Variants in MACROD2 observed in about 807,000 individuals in gnomAD.
MACROD2 encodes the protein ADP-ribose glycohydrolase MACROD2.
Under a neutral mutation model 70.4 loss-of-function variants are expected in MACROD2, and 36 were observed. The observed-to-expected ratio is 0.51, with a 90% CI of 0.39 to 0.68. The LOEUF is 0.68. Ranked by LOEUF, MACROD2 falls within the 30% of genes least tolerant of loss-of-function variation. The pLI is 0.00. For missense variants in MACROD2, 496 were observed against 538.4 expected (o/e 0.92, Z 0.78); for synonymous variants, 172 against 178.8 (o/e 0.96, Z 0.30).
chr20:15,927,271 A>T (rs565974258), intron 10 of MACROD2, among the ~76,000 whole-genome samples: 1 of 152,170 alleles, frequency 6.6e-6, no homozygotes, highest in Non-Finnish European at 1.5e-5. Flanking sequence ...ACATGTGTTT[A>T]TGGAGCCCTT....
intron 4 of MACROD2, among the ~76,000 whole-genome samples, chr20:14,567,307 A>G (rs1441081402): frequency 6.6e-6 from 1 of 152,004 alleles, no homozygotes; most frequent in East Asian, 1.9e-4. Context: ...GGATATTTTG[A>G]TAGTATTAAA....
chr20:15,406,370 C>T (rs951148859), intron 6 of MACROD2, among the ~76,000 whole-genome samples: 23 of 152,198 alleles, frequency 1.5e-4, no homozygotes, highest in African/African-American at 4.8e-4. Context: ...CAACCCTTGA[C>T]CTCCTGGCCC....
rs1265086871 is a variant in MACROD2, at chr20:14,762,333, G to C, written c.418+77374G>C. 2.0e-5 allele frequency among the ~76,000 whole-genome samples: 3 copies of C among 152,066 alleles called. No homozygotes were observed. In the East Asian group the frequency reaches 5.8e-4, roughly 29 times the overall value. On this transcript the variant is annotated intron_variant, in intron 5 of 17. Coordinates refer to ENST00000684519, the MANE Select transcript of MACROD2 (RefSeq NM_001351661.2). ...AAGACTTACTCAGGAGTGGGGTCAT[G>C]GTGTCTCTTCACTGAGTGACAGATT...
At chr20:14,550,106 A>G (rs1978554470) in intron 4 of MACROD2, among the ~76,000 whole-genome samples, 1 of 151,980 alleles carries the variant, frequency 6.6e-6, no homozygotes, top group Non-Finnish European at 1.5e-5. Context: ...TATTTTTAGT[A>G]TAGACGGGGT....
At chr20:15,633,465 G>C (rs1377791841) in intron 8 of MACROD2, among the ~76,000 whole-genome samples, 1 of 152,150 alleles carries the variant, frequency 6.6e-6, no homozygotes, top group Non-Finnish European at 1.5e-5. Context: ...CCCAGAACCA[G>C]AAAATGCCAT....
rs1012086761 is a variant in MACROD2, at chr20:15,407,423, T to G, written c.541-23982T>G. Among the ~76,000 whole-genome samples the G allele has an allele frequency of 2.6e-5, 4 of 152,326 alleles. No homozygotes were observed. The East Asian group carries it at 7.7e-4, about 29-fold the overall frequency. On this transcript the variant is annotated intron_variant, in intron 6 of 17. Coordinates refer to ENST00000684519, the MANE Select transcript of MACROD2 (RefSeq NM_001351661.2). ...ACACTCTCACTTTTCTTCTTCACAG[T>G]GCTTTCTGTAATTGCCTCCCAAATA...
At chr20:14,544,129 A>ATACT (rs1206444974) in intron 4 of MACROD2, among the ~76,000 whole-genome samples, 4 of 152,186 alleles carry the variant, frequency 2.6e-5, no homozygotes, top group Non-Finnish European at 4.4e-5. Context: ...CCATGTTGAT[A>ATACT]TACTATCCAC....
intron 5 of MACROD2, among the ~76,000 whole-genome samples, chr20:15,016,706 TAC>T (rs1803923871): frequency 6.6e-6 from 1 of 152,132 alleles, no homozygotes; most frequent in African/African-American, 2.4e-5. Context: ...GAATTGGACT[TAC>T]AGTTGCACAT....
rs143404362 is a variant in MACROD2 at position 14,947,924 on chromosome 20, A to C, written c.418+262965A>C. On this transcript the variant is annotated intron_variant, in intron 5 of 17. Transcript: ENST00000684519. Reference sequence around the variant, plus strand: ...GTTTATCAAGTACAACAAAAATAGGAAGTCCTGTATTTGCTTACATCTACC... The same window carrying C: ...GTTTATCAAGTACAACAAAAATAGGCAGTCCTGTATTTGCTTACATCTACC... Among the ~76,000 whole-genome samples, 55 of 152,242 alleles carry C rather than the reference A, an allele frequency of 3.6e-4. 1 individual carries two copies. Among genetic ancestry groups the C allele is most frequent in the African/African-American group, 1.3e-3 (52 of 41,544 alleles).
chr20:14,236,485 C>T (rs1411664295), intron 3 of MACROD2, among the ~76,000 whole-genome samples: 1 of 150,934 alleles, frequency 6.6e-6, no homozygotes, highest in Non-Finnish European at 1.5e-5. Context: ...AAAAAAAAAG[C>T]AAAAAAAACT....
intron 5 of MACROD2, among the ~76,000 whole-genome samples, chr20:15,178,240 A>C (rs1253460561): frequency 1.3e-5 from 2 of 152,050 alleles, no homozygotes; most frequent in Non-Finnish European, 1.5e-5. Flanking sequence ...TTGATATTGT[A>C]TTACTTTATG....
chr20:14,237,516 A>T (rs1338917897), intron 3 of MACROD2, among the ~76,000 whole-genome samples: 1 of 150,996 alleles, frequency 6.6e-6, no homozygotes, highest in Non-Finnish European at 1.5e-5. Context: ...TCTAATTTAT[A>T]GTTCTATTAA....
Position 16,016,537 on chromosome 20 carries a change from T to C in MACROD2, c.1154-24664T>C, listed in dbSNP as rs187809180. The stretch of plus-strand genomic sequence containing the variant: ...ATTTTCAACTTAACCTTTTCAAAAA[T>C]GAGGGGTTTTTTTGTTTGTTTTTGG... On this transcript the variant is annotated intron_variant, in intron 15 of 17. Transcript: ENST00000684519. Among the ~76,000 whole-genome samples the C allele has an allele frequency of 3.9e-3, 588 of 152,260 alleles. 4 individuals carry two copies. The highest frequency in any genetic ancestry group is 0.01 in the Middle Eastern group (3 of 294).
At chr20:14,360,960 C>T (rs914132325) in intron 3 of MACROD2, among the ~76,000 whole-genome samples, 6 of 152,094 alleles carry the variant, frequency 3.9e-5, no homozygotes, top group African/African-American at 1.4e-4. Context: ...CAGAAGCTGC[C>T]GAGTCAAGAT....
intron 4 of MACROD2, among the ~76,000 whole-genome samples, chr20:14,540,192 C>T (rs1255697157): frequency 6.6e-6 from 1 of 152,128 alleles, no homozygotes; most frequent in Non-Finnish European, 1.5e-5. Flanking sequence ...GGGATAACAT[C>T]TTTATGTTGC....
chr20:15,231,318 A>G (rs546948550), intron 6 of MACROD2, among the ~76,000 whole-genome samples: 1 of 152,182 alleles, frequency 6.6e-6, no homozygotes, highest in African/African-American at 2.4e-5. Context: ...AAGAGAATGG[A>G]GCAAAGTATA....
chr20:14,857,780 ATTT>A (rs2073270966), intron 5 of MACROD2, among the ~76,000 whole-genome samples: 2 of 149,492 alleles, frequency 1.3e-5, no homozygotes, highest in South Asian at 4.2e-4. Context: ...TTGTGGAGTT[ATTT>A]AGTCAATAGG....
rs999365664 is a variant in MACROD2, at chr20:15,035,188, G to A, written c.419-194752G>A. ...GCTGGAGGATTGCTTAAGCCCAGGA[G>A]TTCCAGACCAGCCTGGGCAACATAG... On this transcript the variant is annotated intron_variant, in intron 5 of 17. Transcript: ENST00000684519. Among the ~76,000 whole-genome samples, 5 of 152,232 alleles carry A rather than the reference G, an allele frequency of 3.3e-5. No homozygotes were observed. The East Asian group carries it at 9.7e-4, about 29-fold the overall frequency.
Position 13,995,850 on chromosome 20 carries a change from G to GGGGGGGGGGGTT in MACROD2, c.46+41_46+42insGGGGGGGGGGTT. 3 of 505,096 alleles carry GGGGGGGGGGGTT rather than the reference G, an allele frequency of 5.9e-6. No individual in the cohort carries two copies. Among genetic ancestry groups the GGGGGGGGGGGTT allele is most frequent in the Middle Eastern group, 6.3e-4 (1 of 1,600 alleles). The allele number at this position is 505,096 out of a possible 1,614,324, so 31.3% of individuals were successfully genotyped here. Reference sequence around the variant, plus strand: ...AGTCCTGGGGGTGCGGGCGGTGGGGGTTAGGGTGGGGGCGGGGGTCAGGCT... The same window carrying GGGGGGGGGGGTT: ...AGTCCTGGGGGTGCGGGCGGTGGGGGGGGGGGGGGGTTTTAGGGTGGGGGCGGGGGTCAGGCT... On this transcript the variant is annotated intron_variant, in intron 1 of 17. Transcript: ENST00000684519. This position sits in a 1 kb window ranked among gnomAD's most constrained non-coding sequence, Gnocchi z 4.3.
Sources: gnomAD v4.1 joint callset for allele counts (sites outside exome capture counted in the v4.1 genomes callset) on GRCh38, gnomAD v4.1.1 for gene constraint, Gnocchi (gnomAD v3.1) non-coding constraint, MANE v1.5 for transcripts, NCBI Gene and HGNC (gene_info 2026-07-23, HGNC 2026-07-21) for gene names.